Variants in PAK1 observed in about 807,000 individuals in gnomAD.
PAK1 encodes the protein serine/threonine-protein kinase PAK 1.
Under a neutral mutation model 67.4 loss-of-function variants are expected in PAK1, and 29 were observed. That is an observed-to-expected ratio of 0.43 (90% CI 0.32 to 0.59). PAK1 has a LOEUF of 0.59. Ranked by LOEUF, PAK1 falls within the 20% of genes least tolerant of loss-of-function variation. The probability of loss-of-function intolerance (pLI) is 0.07; values close to 1 mark genes in which losing one functional copy is unlikely to be tolerated. For synonymous variants in PAK1, 223 were observed against 237.4 expected (o/e 0.94, Z 0.56); for missense variants, 337 against 670.7 (o/e 0.50, Z 5.50).
intron 1 of PAK1, among the ~76,000 whole-genome samples, chr11:77,443,751 A>G (rs540752142): frequency 1.3e-5 from 2 of 152,334 alleles, no homozygotes; most frequent in South Asian, 4.1e-4. Context: ...AACAGAAGGC[A>G]TTCAGGTACA....
chr11:77,326,895 A>T (rs934746312), intron 14 of PAK1, among the ~76,000 whole-genome samples: 3 of 152,188 alleles, frequency 2.0e-5, no homozygotes, highest in Non-Finnish European at 4.4e-5. Context: ...AAAAAAAATA[A>T]GATGAATGGA....
At chr11:77,400,393 C>A (rs973269490) in intron 1 of PAK1, among the ~76,000 whole-genome samples, 1 of 151,988 alleles carries the variant, frequency 6.6e-6, no homozygotes, top group Non-Finnish European at 1.5e-5. Context: ...GCAATAAATG[C>A]CCCATGTTAA....
chr11:77,438,326 T>C (rs1025579527), intron 1 of PAK1, among the ~76,000 whole-genome samples: 1 of 152,064 alleles, frequency 6.6e-6, no homozygotes, highest in Non-Finnish European at 1.5e-5. Context: ...GCTAAACCAT[T>C]CATGAGAAAT....
the PAK1 span, among the ~76,000 whole-genome samples, chr11:77,509,885 T>C: frequency 2.0e-5 from 3 of 152,310 alleles, no homozygotes; most frequent in African/African-American, 7.2e-5. Flanking sequence ...TGCAGAACCA[T>C]GAGCCAATTA....
At chr11:77,510,925 GT>G in the PAK1 span, among the ~76,000 whole-genome samples, 1 of 152,076 alleles carries the variant, frequency 6.6e-6, no homozygotes, top group Non-Finnish European at 1.5e-5. Flanking sequence ...CTTTCTGTTA[GT>G]TTAACTTATC....
At chr11:77,449,995 C>A (rs1956786826) in intron 1 of PAK1, among the ~76,000 whole-genome samples, 6 of 152,250 alleles carry the variant, frequency 3.9e-5, no homozygotes, top group Admixed American at 3.3e-4. Flanking sequence ...TGGGTCTGCC[C>A]TTTACTAGCT....
intron 2 of PAK1, among the ~76,000 whole-genome samples, chr11:77,391,994 A>G (rs953208902): frequency 2.0e-5 from 3 of 152,296 alleles, no homozygotes; most frequent in African/African-American, 2.4e-5. Flanking sequence ...ACTCGGGGGG[A>G]AAAAAATTCC....
At chr11:77,343,757 C>T in intron 10 of PAK1, 62 bp downstream of exon 10, 1 of 979,364 alleles carries the variant, frequency 1.0e-6, no homozygotes, top group Non-Finnish European at 1.7e-6. Context: ...TCTTCTCTAA[C>T]AGCTTCACCA....
intron 1 of PAK1, among the ~76,000 whole-genome samples, chr11:77,398,202 G>A (rs1952100328): frequency 1.3e-5 from 2 of 152,072 alleles, no homozygotes; most frequent in Admixed American, 1.3e-4. Context: ...CAAATAATAG[G>A]TCTTATTTAT....
At chr11:77,398,804 CTA>C (rs769122354) in intron 1 of PAK1, among the ~76,000 whole-genome samples, 2 of 152,290 alleles carry the variant, frequency 1.3e-5, no homozygotes, top group East Asian at 3.9e-4. Flanking sequence ...GATTTTCCAA[CTA>C]TACTGTTCTT....
At chr11:77,373,328 A>G (rs1948677497) in intron 5 of PAK1, among the ~76,000 whole-genome samples, 1 of 152,164 alleles carries the variant, frequency 6.6e-6, no homozygotes, top group Non-Finnish European at 1.5e-5. Flanking sequence ...TGAAGCCAGG[A>G]GTTTGAGAAC....
intron 1 of PAK1, among the ~76,000 whole-genome samples, chr11:77,456,241 A>G (rs976407700): frequency 2.6e-5 from 4 of 152,162 alleles, no homozygotes; most frequent in African/African-American, 9.7e-5. Flanking sequence ...ACACTCTCCC[A>G]CTCTTGGAGC....
chr11:77,394,904 T>C (rs190982363), intron 1 of PAK1, among the ~76,000 whole-genome samples: 2 of 152,146 alleles, frequency 1.3e-5, no homozygotes, highest in African/African-American at 4.8e-5. Flanking sequence ...AAAGCTGATG[T>C]TTTTAGCTTG....
intron 9 of PAK1, among the ~76,000 whole-genome samples, chr11:77,348,447 T>A (rs1944755554): frequency 6.6e-6 from 1 of 152,172 alleles, no homozygotes; most frequent in South Asian, 2.1e-4. Context: ...CTTAATGAAA[T>A]GAGAGGGACA....
chr11:77,458,868 T>C (rs1048485230), intron 1 of PAK1, among the ~76,000 whole-genome samples: 2 of 152,210 alleles, frequency 1.3e-5, no homozygotes, highest in African/African-American at 4.8e-5. Context: ...AAGAGCCTAC[T>C]ACATGCCAGG....
At chr11:77,407,522 T>A (rs2137905147) in intron 1 of PAK1, among the ~76,000 whole-genome samples, 1 of 152,314 alleles carries the variant, frequency 6.6e-6, no homozygotes, top group Non-Finnish European at 1.5e-5. Flanking sequence ...ATCTGAGCAA[T>A]TTTTCACGGC....
intron 1 of PAK1, among the ~76,000 whole-genome samples, chr11:77,442,942 AT>A (rs1956420725): frequency 6.6e-6 from 1 of 152,176 alleles, no homozygotes; most frequent in Admixed American, 6.5e-5. Context: ...TGGTTTCCTT[AT>A]TGAAGATACA....
intron 11 of PAK1, among the ~76,000 whole-genome samples, chr11:77,338,600 C>T (rs1438411983): frequency 2.6e-5 from 4 of 152,148 alleles, no homozygotes; most frequent in African/African-American, 9.7e-5. Context: ...CAGCAATCCA[C>T]CTGTAGTTAT....
chr11:77,337,732 G>T (rs1020671362), intron 11 of PAK1, among the ~76,000 whole-genome samples: 1 of 152,000 alleles, frequency 6.6e-6, no homozygotes, highest in African/African-American at 2.4e-5. Context: ...AGGCCCAAGA[G>T]AAATTACTGA....
Sources: allele counts gnomAD v4.1 joint callset (sites outside exome capture counted in the v4.1 genomes callset), GRCh38; gene constraint gnomAD v4.1.1; transcripts MANE v1.5; gene names NCBI Gene and HGNC (gene_info 2026-07-23, HGNC 2026-07-21).